DLG1: variants seen among roughly 807,000 people sequenced by gnomAD.
DLG1 encodes the protein discs large MAGUK scaffold protein 1, also known as disks large homolog 1.
A neutral mutation model predicts 123.4 loss-of-function variants in DLG1; 42 were observed. The observed-to-expected ratio is 0.34, with a 90% CI of 0.27 to 0.44. The LOEUF is 0.44. DLG1 is among the 20% of genes least tolerant of loss of function. The pLI, the probability that DLG1 is intolerant of heterozygous loss-of-function variation, is 1.00. For synonymous variants in DLG1, 317 were observed against 356.2 expected (o/e 0.89, Z 1.24); for missense variants, 942 against 1,082.6 (o/e 0.87, Z 1.82).
chr3:197,276,922 C>T (rs1288664974), intron 4 of DLG1, among the ~76,000 whole-genome samples: 1 of 151,796 alleles, frequency 6.6e-6, no homozygotes, highest in Non-Finnish European at 1.5e-5. Flanking sequence ...GACAGGGTCT[C>T]GCTCTGTCGC....
intron 16 of DLG1, 45 bp from the exon 17 acceptor site, chr3:197,081,162 C>G (rs1750901978): frequency 3.9e-6 from 6 of 1,556,984 alleles, no homozygotes; most frequent in East Asian, 2.3e-5. Flanking sequence ...CCAAACATAT[C>G]TGGGGTCTTA....
chr3:197,151,463 T>C (rs1793813549), intron 5 of DLG1, among the ~76,000 whole-genome samples: 2 of 152,166 alleles, frequency 1.3e-5, no homozygotes, highest in South Asian at 2.1e-4. Flanking sequence ...TATTGAAATA[T>C]ATATAAACGA....
chr3:197,067,459 A>C (rs949847072), intron 19 of DLG1, among the ~76,000 whole-genome samples: 8 of 151,788 alleles, frequency 5.3e-5, no homozygotes. Flanking sequence ...AAAGGTTCGG[A>C]GCTTAGGAAA....
At chr3:197,183,832 C>A in intron 5 of DLG1, 2 of 1,542,880 alleles carry the variant, frequency 1.3e-6, no homozygotes, top group Non-Finnish European at 1.8e-6. Context: ...CAGGTGGTTG[C>A]CAAGCAGGCT....
chr3:197,065,304 A>T lies in DLG1; in HGVS notation c.2345T>A (p.Val782Asp). 3.7e-6 allele frequency: 6 copies of T among 1,608,986 alleles called. No homozygotes were observed. The highest frequency in any genetic ancestry group is 5.1e-6 in the Non-Finnish European group (6 of 1,178,608). ...QYNNHLYGTS[V>D]QSVREVAEKG... Reference sequence around the variant, plus strand: ...TTCTGCTACTTCTCGTACAGACTGAACACTTGTTCCATATAGATGATTGTT... The same window carrying T: ...TTCTGCTACTTCTCGTACAGACTGATCACTTGTTCCATATAGATGATTGTT... The change falls in exon 22 of 25, where the codon GTT becomes GAT. Residue 782 changes from valine (V) to aspartate (D), a missense_variant. By Grantham distance (152) the Val-to-Asp change is radical. Coordinates refer to ENST00000667157, the MANE Select transcript of DLG1 (RefSeq NM_001366207.1).
chr3:197,162,609 A>G (rs1387907469), intron 5 of DLG1, among the ~76,000 whole-genome samples: 2 of 152,202 alleles, frequency 1.3e-5, no homozygotes, highest in Admixed American at 6.5e-5. Flanking sequence ...AGATTTATTA[A>G]CAATGTATGG....
chr3:197,095,714 G>A (rs773607775), intron 14 of DLG1, among the ~76,000 whole-genome samples: 5 of 152,084 alleles, frequency 3.3e-5, no homozygotes, highest in African/African-American at 4.8e-5. Context: ...TACTGAAACT[G>A]TGTACAATTC....
intron 4 of DLG1, among the ~76,000 whole-genome samples, chr3:197,239,742 T>C (rs1019097963): frequency 1.3e-5 from 2 of 150,146 alleles, no homozygotes; most frequent in African/African-American, 4.9e-5. Context: ...GCTTCACTCC[T>C]CTCACAGAAA....
chr3:197,088,592 GA>G (rs966395511), intron 15 of DLG1, among the ~76,000 whole-genome samples: 5 of 152,252 alleles, frequency 3.3e-5, no homozygotes, highest in Admixed American at 3.3e-4. Flanking sequence ...ACAGCCAAAG[GA>G]AATAGAATAA....
chr3:197,105,119 C>A, intron 13 of DLG1, 114 bp from the exon 14 acceptor site: 1 of 601,836 alleles, frequency 1.7e-6, no homozygotes, highest in East Asian at 3.1e-5. Flanking sequence ...ATAACTTTAC[C>A]ACTAAAATGT....
At chr3:197,230,751 T>C (rs566792028) in intron 4 of DLG1, among the ~76,000 whole-genome samples, 8 of 152,312 alleles carry the variant, frequency 5.3e-5, no homozygotes, top group Non-Finnish European at 7.4e-5. Context: ...ATGTAAACAA[T>C]TGTAATTCCT....
rs1400660791 is a variant in DLG1 at position 197,136,589 on chromosome 3, C to T, written c.973G>A (p.Ala325Thr). Residue 325 changes from alanine to threonine, a missense_variant, in exon 10 of 25, where the codon GCA becomes ACA. Physicochemically the swap from Ala to Thr is moderately conservative, Grantham distance 58. Coordinates refer to ENST00000667157, the MANE Select transcript of DLG1 (RefSeq NM_001366207.1). Reference sequence around the variant, plus strand: ...TGAAGTTTGCCATCCTTATGTGCTGCACCTCCTTCAATTATTTTGGTTACA... The same window carrying T: ...TGAAGTTTGCCATCCTTATGTGCTGTACCTCCTTCAATTATTTTGGTTACA... ...IYVTKIIEGGAAHKDGKLQIG... is the reference protein window; with the variant it reads ...IYVTKIIEGGTAHKDGKLQIG... 5.0e-6 allele frequency: 8 copies of T among 1,613,184 alleles called. No homozygotes were observed. The highest frequency in any genetic ancestry group is 2.7e-5 in the African/African-American group (2 of 74,882).
intron 4 of DLG1, among the ~76,000 whole-genome samples, chr3:197,234,026 G>A (rs1264714016): frequency 6.6e-6 from 1 of 152,174 alleles, no homozygotes; most frequent in Non-Finnish European, 1.5e-5. Flanking sequence ...CCCAAAAAAC[G>A]AAATAGATGA....
chr3:197,270,666 T>C (rs1477934710), intron 4 of DLG1, among the ~76,000 whole-genome samples: 1 of 152,182 alleles, frequency 6.6e-6, no homozygotes, highest in Non-Finnish European at 1.5e-5. Context: ...TACAACCCCA[T>C]ACACACTTCA....
intron 6 of DLG1, among the ~76,000 whole-genome samples, chr3:197,147,637 T>C (rs1791586745): frequency 6.6e-6 from 1 of 152,044 alleles, no homozygotes; most frequent in Admixed American, 6.6e-5. Flanking sequence ...TGCAAAGGCA[T>C]GAGAATGATA....
intron 3 of DLG1, among the ~76,000 whole-genome samples, chr3:197,293,344 C>A (rs1164650320): frequency 2.0e-5 from 3 of 152,190 alleles, no homozygotes; most frequent in Admixed American, 2.0e-4. Flanking sequence ...ATTTTTAAAT[C>A]TTTAAGCCAT....
intron 5 of DLG1, among the ~76,000 whole-genome samples, chr3:197,177,222 C>T (rs1305386028): frequency 6.6e-6 from 1 of 152,086 alleles, no homozygotes; most frequent in East Asian, 1.9e-4. Context: ...ACAAATGTGT[C>T]TGCCAAGGGT....
chr3:197,236,555 A>C (rs544084079), intron 4 of DLG1, among the ~76,000 whole-genome samples: 161 of 152,188 alleles, frequency 1.1e-3, no homozygotes, highest in Non-Finnish European at 1.8e-3. Context: ...CTATGGGATA[A>C]AGTCCAAACT....
At chr3:197,084,731 C>T (rs1235704130) in intron 16 of DLG1, among the ~76,000 whole-genome samples, 1 of 143,218 alleles carries the variant, frequency 7.0e-6, no homozygotes, top group African/African-American at 2.4e-5. Flanking sequence ...TTTTTCAGTT[C>T]TGGTGATTAT....
Sources: gnomAD v4.1 joint callset for allele counts (sites outside exome capture counted in the v4.1 genomes callset) on GRCh38, gnomAD v4.1.1 for gene constraint, MANE v1.5 for transcripts, NCBI Gene and HGNC (gene_info 2026-07-23, HGNC 2026-07-21) for gene names.